MUC5AC: variants seen among roughly 807,000 people sequenced by gnomAD.
The protein encoded by MUC5AC is mucin 5AC, oligomeric mucus/gel-forming.
Under a neutral mutation model 169.7 loss-of-function variants are expected in MUC5AC, and 158 were observed. That is an observed-to-expected ratio of 0.93 (90% CI 0.82 to 1.06). The LOEUF (loss-of-function observed/expected upper bound fraction) is 1.06, where lower values mean the gene tolerates loss of function less well. MUC5AC is among the 50% of genes least tolerant of loss of function. The pLI is 0.00. For missense variants in MUC5AC, 4,359 were observed against 3,089.9 expected, an observed-to-expected ratio of 1.41 and a Z score of -9.74; for synonymous variants, 1,975 against 1,237.0, an observed-to-expected ratio of 1.60 and a Z score of -12.52.
intron 9 of MUC5AC, 137 bp downstream of exon 9, chr11:1,164,669 GGCC>G (rs1315277299): frequency 7.8e-6 from 10 of 1,289,910 alleles, no homozygotes; most frequent in African/African-American, 7.5e-5. Context: ...CCCTGTCCTG[GGCC>G]GCTGAGGCTG....
rs1237415051 is a variant in MUC5AC, at chr11:1,182,293, G to A, written c.4148G>A (p.Cys1383Tyr). The A allele has an allele frequency of 2.5e-6, 1 of 398,450 alleles. No individual in the cohort carries two copies. The highest frequency in any genetic ancestry group is 2.1e-5 in the African/African-American group (1 of 48,632). 24.7% of individuals were successfully genotyped at this position (398,450 alleles called of 1,614,324 possible). Residue 1383 changes from cysteine (C) to tyrosine (Y), a missense_variant, in exon 31 of 49, where the codon TGT (cysteine) becomes TAT (tyrosine). Cys to Tyr is a radical substitution (Grantham distance 194). Coordinates refer to ENST00000621226, the MANE Select transcript of MUC5AC (RefSeq NM_001304359.2). The part of the protein sequence containing the change: ...PTASASLPPV[C>Y]GEKCLWSPWM... ...GCCTCTGCCTCACTGCCGCCGGTCT[G>A]TGGGGAAAAGTGCCTGTGGTCGCCA...
rs773943954 is a variant in MUC5AC, at chr11:1,200,603, G to A, written c.16866G>A (p.Pro5622=). The A allele has an allele frequency of 2.2e-5, 17 of 764,498 alleles. No individual in the cohort carries two copies. Among genetic ancestry groups the A allele is most frequent in the African/African-American group, 6.7e-5 (4 of 59,260 alleles). 47.4% of individuals were successfully genotyped at this position (764,498 alleles called of 1,614,324 possible). Reference sequence around the variant, plus strand: ...GCATGGGCCGGCGGTGCCCTGCGCCGGGCGACACCCAGCACTCGGAGGAGG... The same window carrying A: ...GCATGGGCCGGCGGTGCCCTGCGCCAGGCGACACCCAGCACTCGGAGGAGG... The part of the protein sequence containing the change: ...CGCMGRRCPA[P]GDTQHSEEAE... Residue 5622 remains proline, a synonymous_variant, in exon 49 of 49, where the codon CCG becomes CCA. Transcript: ENST00000621226.
rs1443690160 is a variant in MUC5AC, at chr11:1,181,326, C to T, written c.3876C>T (p.His1292=). The T allele has an allele frequency of 2.5e-6, 1 of 398,588 alleles. No homozygotes were observed. Among genetic ancestry groups the T allele is most frequent in the East Asian group, 3.6e-5 (1 of 28,056 alleles). The allele number at this position is 398,588 out of a possible 1,614,324, so 24.7% of individuals were successfully genotyped here. Residue 1292 remains histidine, a synonymous_variant, in exon 30 of 49, where the codon CAC becomes CAT. Transcript: ENST00000621226. ...QRFHPGDVIY[H]TTDGTGGCIS... ...TCCACCCAGGGGACGTCATCTACCA[C>T]ACGACGGATGGCACGGGTGGCTGCA...
rs1861008690 is a variant in MUC5AC, at chr11:1,188,485, C to T, written c.10340C>T (p.Thr3447Ile). 2 of 693,018 alleles carry T rather than the reference C, an allele frequency of 2.9e-6. No homozygotes were observed. The highest frequency in any genetic ancestry group is 5.3e-6 in the Non-Finnish European group (2 of 378,904). The allele number at this position is 693,018 out of a possible 1,614,324, so 42.9% of individuals were successfully genotyped here. The change falls in exon 31 of 49, where the codon ACC becomes ATC. Residue 3447 changes from threonine to isoleucine, a missense_variant. By Grantham distance (89) the Thr-to-Ile change is moderately conservative. Transcript: ENST00000621226. ...STTSSPTTST[T>I]SATTTSTTSA... Reference sequence around the variant, plus strand: ...ACCTCTTCCCCTACAACCAGCACAACCTCTGCTACTACAACCAGCACAACC... The same window carrying T: ...ACCTCTTCCCCTACAACCAGCACAATCTCTGCTACTACAACCAGCACAACC...
At chr11:1,175,855 A>G (rs1827642624) in intron 19 of MUC5AC, among the ~76,000 whole-genome samples, 1 of 100,250 alleles carries the variant, frequency 1.0e-5, no homozygotes, top group Non-Finnish European at 1.9e-5. Context: ...ACACCCACTT[A>G]TGGACACGCT....
Position 1,183,951 on chromosome 11 carries a change from G to A in MUC5AC, c.5806G>A (p.Val1936Ile). ...MSTTAPGTSVVSSKPTPTEPS... is the reference protein window; with the variant it reads ...MSTTAPGTSVISSKPTPTEPS... Reference sequence around the variant, plus strand: ...GACCACGGCCCCGGGGACCTCTGTGGTCTCCAGCAAGCCCACCCCCACGGA... The same window carrying A: ...GACCACGGCCCCGGGGACCTCTGTGATCTCCAGCAAGCCCACCCCCACGGA... The change falls in exon 31 of 49, where the codon GTC (valine) becomes ATC (isoleucine). Residue 1936 changes from valine (V) to isoleucine (I), a missense_variant. By Grantham distance (29) the Val-to-Ile change is conservative. Coordinates refer to ENST00000621226, the MANE Select transcript of MUC5AC (RefSeq NM_001304359.2). 2.5e-6 allele frequency: 1 copy of A among 396,226 alleles called. No individual in the cohort carries two copies. Among genetic ancestry groups the A allele is most frequent in the Non-Finnish European group, 4.4e-6 (1 of 227,930 alleles). The allele number at this position is 396,226 out of a possible 1,614,324, so 24.5% of individuals were successfully genotyped here.
chr11:1,194,188 A>G lies in MUC5AC; in HGVS notation c.14834A>G (p.Tyr4945Cys), dbSNP rs968502501. 2.6e-6 allele frequency: 2 copies of G among 764,970 alleles called. No homozygotes were observed. Among genetic ancestry groups the G allele is most frequent in the African/African-American group, 3.4e-5 (2 of 59,154 alleles). The allele number at this position is 764,970 out of a possible 1,614,324, so 47.4% of individuals were successfully genotyped here. A position where few individuals can be genotyped will look rare whatever the true frequency, so the allele number is the denominator to read the frequency against. ...TACACCTTCCTGGACAACTGCACGT[A>G]CGTGCTGGTGCAGCAGATTGTGCCC... Reference protein sequence around the residue: ...TYYTFLDNCTYVLVQQIVPVY... With the variant: ...TYYTFLDNCTCVLVQQIVPVY... Residue 4945 changes from tyrosine to cysteine, a missense_variant, in exon 34 of 49, where the codon TAC becomes TGC. Tyr to Cys is a radical substitution (Grantham distance 194, BLOSUM62 -2). Transcript: ENST00000621226.
At position 1,161,586 on chromosome 11, in the gene MUC5AC, G is replaced by C; in HGVS notation, c.211G>C (p.Ala71Pro). The change falls in exon 3 of 49, where the codon GCC (alanine) becomes CCC (proline). Residue 71 changes from alanine (A) to proline (P), a missense_variant and splice_region_variant. Coordinates refer to ENST00000621226, the MANE Select transcript of MUC5AC (RefSeq NM_001304359.2). The part of the protein sequence containing the change: ...PSLRTIPVVR[A>P]SNPAHNGRVC... ...TCTGAGGACCATCCCTGTGGTACGAGGTGAGTGGAGCCCGGAGGCCTGGGT... is the reference window on the plus strand; with the variant it reads ...TCTGAGGACCATCCCTGTGGTACGACGTGAGTGGAGCCCGGAGGCCTGGGT... The C allele has an allele frequency of 3.7e-6, 6 of 1,609,540 alleles. No homozygotes were observed. The highest frequency in any genetic ancestry group is 5.1e-6 in the Non-Finnish European group (6 of 1,177,854).
At chr11:1,158,159 C>T in intron 1 of MUC5AC, 87 bp downstream of exon 1, 3 of 1,268,712 alleles carry the variant, frequency 2.4e-6, no homozygotes, top group Non-Finnish European at 3.3e-6. Context: ...GCCCTGGGTT[C>T]CGGGCAGGCT....
Position 1,161,523 on chromosome 11 carries a change from G to A in MUC5AC, c.152-4G>A, listed in dbSNP as rs756734924. 6.1e-5 allele frequency: 97 copies of A among 1,596,262 alleles called. No individual in the cohort carries two copies. The highest frequency in any genetic ancestry group is 1.7e-4 in the Middle Eastern group (1 of 6,030). The stretch of plus-strand genomic sequence containing the variant: ...GTGAATCCTACCAGCCCCTGTCTCC[G>A]CAGGGGTCCCGCTCCGTGGGGCGAC... On this transcript the variant is annotated splice_region_variant and splice_polypyrimidine_tract_variant and intron_variant, in intron 2 of 48. Coordinates refer to ENST00000621226, the MANE Select transcript of MUC5AC (RefSeq NM_001304359.2).
chr11:1,186,422 C>T lies in MUC5AC; in HGVS notation c.8277C>T (p.Ala2759=), dbSNP rs1860947922. 1.4e-6 allele frequency: 1 copy of T among 698,922 alleles called. No homozygotes were observed. Among genetic ancestry groups the T allele is most frequent in the African/African-American group, 1.8e-5 (1 of 56,096 alleles). 43.3% of individuals were successfully genotyped at this position (698,922 alleles called of 1,614,324 possible). A position where few individuals can be genotyped will look rare whatever the true frequency, so the allele number is the denominator to read the frequency against. The change falls in exon 31 of 49, where the codon GCC becomes GCT. Residue 2759 remains alanine (A), a synonymous_variant. Transcript: ENST00000621226. ...CCCCTACAACCAGCACAATCTCTGCCTCTACCACCAGCACAACCTCTGCGA... is the reference window on the plus strand; with the variant it reads ...CCCCTACAACCAGCACAATCTCTGCTTCTACCACCAGCACAACCTCTGCGA... The part of the protein sequence containing the change: ...TSAPTTSTIS[A]STTSTTSATT...
chr11:1,175,598 C>T (rs1409682682), intron 19 of MUC5AC, among the ~76,000 whole-genome samples: 4 of 135,086 alleles, frequency 3.0e-5, no homozygotes, highest in Non-Finnish European at 4.8e-5. Context: ...CATGCACACG[C>T]ATTCACACCC....
rs752599263 is a variant in MUC5AC, at chr11:1,199,474, C to T, written c.16499C>T (p.Pro5500Leu). The change falls in exon 46 of 49, where the codon CCG (proline) becomes CTG (leucine). Residue 5500 changes from proline (P) to leucine (L), a missense_variant. Physicochemically the swap from Pro to Leu is moderately conservative, Grantham distance 98 (BLOSUM62 -3). Coordinates refer to ENST00000621226, the MANE Select transcript of MUC5AC (RefSeq NM_001304359.2). ...GTCACCACGAAGAAGGCGTGCCCCC[C>T]GCTCAGCTGTTCTCTGGTGAGGTCC... ...VVVTTKKACP[P>L]LSCSLDEARM... The T allele has an allele frequency of 7.0e-6, 5 of 717,228 alleles. No individual in the cohort carries two copies. Among genetic ancestry groups the T allele is most frequent in the African/African-American group, 5.2e-5 (3 of 57,786 alleles). The allele number at this position is 717,228 out of a possible 1,614,324, so 44.4% of individuals were successfully genotyped here. A position where few individuals can be genotyped will look rare whatever the true frequency, so the allele number is the denominator to read the frequency against.
At chr11:1,161,072 C>T (rs926601920) in intron 2 of MUC5AC, among the ~76,000 whole-genome samples, 18 of 152,230 alleles carry the variant, frequency 1.2e-4, no homozygotes, top group African/African-American at 3.9e-4. Context: ...CCATGTGGCT[C>T]GTGCTAGCGG....
chr11:1,176,484 A>C (rs929700031), intron 20 of MUC5AC, 30 bp from the exon 21 acceptor site: 1 of 398,828 alleles, frequency 2.5e-6, no homozygotes, highest in Non-Finnish European at 4.4e-6. Flanking sequence ...GCCCTGCCCC[A>C]TCACTCAGTG....
At chr11:1,161,182 C>T (rs935569069) in intron 2 of MUC5AC, among the ~76,000 whole-genome samples, 2 of 152,198 alleles carry the variant, frequency 1.3e-5, no homozygotes, top group African/African-American at 4.8e-5. Context: ...TTCTCCAAAT[C>T]GGGCCAGACA....
At position 1,194,480 on chromosome 11, in the gene MUC5AC, C is replaced by G; in HGVS notation, c.15007-7C>G. ...CTGACTTCCCGTCGACCACGCCCTG[C>G]GTCCAGATCATCTTCAACAACAAGG... On this transcript the variant is annotated splice_polypyrimidine_tract_variant and splice_region_variant and intron_variant, in intron 34 of 48. Transcript: ENST00000621226. 1 of 751,080 alleles carries G rather than the reference C, an allele frequency of 1.3e-6. No individual in the cohort carries two copies. The highest frequency in any genetic ancestry group is 2.4e-6 in the Non-Finnish European group (1 of 408,508). 46.5% of individuals were successfully genotyped at this position (751,080 alleles called of 1,614,324 possible).
chr11:1,192,461 C>T lies in MUC5AC; in HGVS notation c.14316C>T (p.Ser4772=), dbSNP rs1481806078. 5.2e-6 allele frequency: 4 copies of T among 765,032 alleles called. No homozygotes were observed. The highest frequency in any genetic ancestry group is 3.4e-5 in the Admixed American group (2 of 59,024). 47.4% of individuals were successfully genotyped at this position (765,032 alleles called of 1,614,324 possible). ...STSVASSSVA[S]SSVAYSTQTC... is the part of the protein sequence containing the mutation. ...CTGTGGCATCCAGCTCTGTGGCATCCAGCTCTGTGGCTTACTCCACCCAAA... is the reference window on the plus strand; with the variant it reads ...CTGTGGCATCCAGCTCTGTGGCATCTAGCTCTGTGGCTTACTCCACCCAAA... The change falls in exon 31 of 49, where the codon TCC becomes TCT. Residue 4772 remains serine, a synonymous_variant. Transcript: ENST00000621226.
At position 1,188,820 on chromosome 11, in the gene MUC5AC, C is replaced by T. The variant is rs1218950563; in HGVS notation, c.10675C>T (p.Arg3559Cys). The T allele has an allele frequency of 3.4e-5, 26 of 757,048 alleles. No individual in the cohort carries two copies. Among genetic ancestry groups the T allele is most frequent in the Middle Eastern group, 2.3e-4 (1 of 4,418 alleles). 46.9% of individuals were successfully genotyped at this position (757,048 alleles called of 1,614,324 possible). A position where few individuals can be genotyped will look rare whatever the true frequency, so the allele number is the denominator to read the frequency against. The change falls in exon 31 of 49, where the codon CGC becomes TGC. Residue 3559 changes from arginine to cysteine, a missense_variant. Coordinates refer to ENST00000621226, the MANE Select transcript of MUC5AC (RefSeq NM_001304359.2). ...NIIRSGEKICRRPEEITRLQC... is the reference protein window; with the variant it reads ...NIIRSGEKICCRPEEITRLQC... ...CATCAGGAGTGGGGAAAAAATCTGC[C>T]GCCGACCTGAGGAGATCACCAGGCT...
Sources: allele counts gnomAD v4.1 joint callset (sites outside exome capture counted in the v4.1 genomes callset), GRCh38; gene constraint gnomAD v4.1.1; transcripts MANE v1.5; gene names NCBI Gene and HGNC (gene_info 2026-07-23, HGNC 2026-07-21).